Variants in REC8 observed in about 807,000 individuals in gnomAD.
REC8 encodes the protein meiotic recombination protein REC8 homolog.
REC8 carries 42 observed loss-of-function variants against 78.3 expected under a neutral mutation model. The ratio of observed to expected loss-of-function variants is 0.54; its 90% confidence interval spans 0.42 to 0.69. The LOEUF (loss-of-function observed/expected upper bound fraction) is 0.69, where lower values mean the gene tolerates loss of function less well. Among genes scored for constraint, REC8 ranks in the 30% least tolerant of loss-of-function variants. The probability of loss-of-function intolerance (pLI) is 0.00; values close to 1 mark genes in which losing one functional copy is unlikely to be tolerated. For missense variants in REC8, 581 were observed against 715.8 expected (o/e 0.81, Z 2.15); for synonymous variants, 268 against 274.1 (o/e 0.98, Z 0.22).
At chr14:24,180,684 C>T (rs1473525326), downstream of REC8, 1 of 1,614,136 alleles carries the variant, frequency 6.2e-7, no homozygotes, top group Admixed American at 1.7e-5. Flanking sequence ...GACTCCTACC[C>T]TCACCTGGTG....
intron 14 of REC8, 56 bp downstream of exon 14, chr14:24,178,972 C>T: frequency 6.2e-7 from 1 of 1,605,838 alleles, no homozygotes; most frequent in Non-Finnish European, 8.5e-7. Context: ...GCCTGACCAG[C>T]TGGCTGCCCT....
chr14:24,179,050 G>A (rs1399224856), intron 14 of REC8, 35 bp from the exon 15 acceptor site: 2 of 1,607,290 alleles, frequency 1.2e-6, no homozygotes, highest in Non-Finnish European at 1.7e-6. Flanking sequence ...AGTCCCAGAT[G>A]CTTGGGGTCT....
chr14:24,178,853 G>A lies in REC8; in HGVS notation c.1140G>A (p.Glu380=), dbSNP rs1219914391. The change falls in exon 14 of 19, where the codon GAG becomes GAA. Residue 380 remains glutamate, a synonymous_variant. Transcript: ENST00000611366. ...AQPPPKALRR[E]LPEEAAAEEE... is the part of the protein sequence containing the mutation. ...CACCCCCAAAAGCCCTCAGGCGAGA[G>A]CTGCCTGAGGAGGCAGCCGCTGAGG... 1 of 1,613,504 alleles carries A rather than the reference G, an allele frequency of 6.2e-7. No individual in the cohort carries two copies. Among genetic ancestry groups the A allele is most frequent in the Non-Finnish European group, 8.5e-7 (1 of 1,179,956 alleles).
At chr14:24,179,248 G>A (rs1566637443) in intron 15 of REC8, 115 bp downstream of exon 15, 1 of 1,201,232 alleles carries the variant, frequency 8.3e-7, no homozygotes, top group Non-Finnish European at 1.2e-6. Flanking sequence ...TGTGACATAA[G>A]GAAGCACGGA....
chr14:24,174,504 CT>C (rs1450770649), intron 5 of REC8, among the ~76,000 whole-genome samples: 1 of 152,156 alleles, frequency 6.6e-6, no homozygotes, highest in Non-Finnish European at 1.5e-5. Flanking sequence ...TCTTGAACTC[CT>C]GATCTCAGGC....
At position 24,177,361 on chromosome 14, in the gene REC8, C is replaced by A. The variant is rs879204667; in HGVS notation, c.715C>A (p.Leu239Ile). The change falls in exon 9 of 19, where the codon CTC becomes ATC. Residue 239 changes from leucine to isoleucine, a missense_variant. Coordinates refer to ENST00000611366, the MANE Select transcript of REC8 (RefSeq NM_001048205.2). ...TGATTCTCTCTCCACAGTCCCGCGG[C>A]TCCCACCTCCAGCTCCTGCAGAGTA... ...EEAILLEIPR[L>I]PPPAPAEVEG... 1.2e-6 allele frequency: 2 copies of A among 1,614,104 alleles called. No individual in the cohort carries two copies. The highest frequency in any genetic ancestry group is 1.7e-6 in the Non-Finnish European group (2 of 1,180,052).
downstream of REC8, chr14:24,180,853 G>GTGCAACCACCCCCCTGATAA: frequency 1.0e-6 from 1 of 989,452 alleles, no homozygotes; most frequent in Non-Finnish European, 1.5e-6. Flanking sequence ...CTCTTATCAG[G>GTGCAACCACCCCCCTGATAA]GGGGTGGTTG....
chr14:24,180,841 A>G (rs7145633), downstream of REC8: 524,921 of 1,157,002 alleles, frequency 0.45, 126,503 homozygotes, highest in African/African-American at 0.8. Flanking sequence ...GAGTGGCAGA[A>G]TCTCTTATCA....
rs140816828 is a variant in REC8, at chr14:24,179,230, C to CGT, written c.1252+107_1252+108dup. ...GCTGAAGCTGTTTTATGAGTGAAGG[C>CGT]GTGTGTGTGTGACATAAGGAAGCAC... On this transcript the variant is annotated intron_variant, in intron 15 of 18. Transcript: ENST00000611366. 1.4e-5 allele frequency: 18 copies of CGT among 1,243,700 alleles called. No homozygotes were observed. The South Asian group carries it at 1.5e-4, about 10-fold the overall frequency. The allele number at this position is 1,243,700 out of a possible 1,614,324, so 77.0% of individuals were successfully genotyped here. A position where few individuals can be genotyped will look rare whatever the true frequency, so the allele number is the denominator to read the frequency against.
At chr14:24,179,214 GTT>G in intron 15 of REC8, 81 bp downstream of exon 15, 1 of 1,327,676 alleles carries the variant, frequency 7.5e-7, no homozygotes, top group Non-Finnish European at 1.1e-6. Flanking sequence ...TGCTGAAGCT[GTT>G]TTATGAGTGA....
At chr14:24,173,492 G>A in intron 5 of REC8, 81 bp downstream of exon 5, 5 of 1,578,506 alleles carry the variant, frequency 3.2e-6, no homozygotes, top group Non-Finnish European at 4.3e-6. Context: ...CATTGGGGTT[G>A]GGGAAGGAAG....
chr14:24,180,604 C>G (rs763556257), downstream of REC8: 2 of 1,611,712 alleles, frequency 1.2e-6, no homozygotes, highest in African/African-American at 2.7e-5. Flanking sequence ...AAGGTCGGGG[C>G]TCCTAAAGCC....
chr14:24,174,571 C>A (rs561768897), intron 5 of REC8, among the ~76,000 whole-genome samples: 203 of 152,268 alleles, frequency 1.3e-3, no homozygotes, highest in Non-Finnish European at 1.6e-3. Context: ...AACCACCGTG[C>A]CTGGCACATA....
At chr14:24,180,585 G>A, downstream of REC8, 1 of 1,613,264 alleles carries the variant, frequency 6.2e-7, no homozygotes, top group Non-Finnish European at 8.5e-7. Context: ...GGGTGGAGAG[G>A]GAGGGAGAAA....
intron 11 of REC8, 84 bp downstream of exon 11, chr14:24,177,842 C>G: frequency 6.7e-7 from 1 of 1,489,748 alleles, no homozygotes; most frequent in Non-Finnish European, 8.9e-7. Flanking sequence ...AGGGCCACTG[C>G]TAGCTTACAG....
downstream of REC8, chr14:24,180,622 C>T (rs373955108): frequency 9.3e-6 from 15 of 1,612,320 alleles, no homozygotes; most frequent in East Asian, 1.6e-4. Flanking sequence ...GCCTCGCTGC[C>T]CCAGGCTCTC....
At position 24,178,366 on chromosome 14, in the gene REC8, T is replaced by G. The variant is rs561047647; in HGVS notation, c.996+144T>G. 1.3e-5 allele frequency: 11 copies of G among 842,376 alleles called. No individual in the cohort carries two copies. The South Asian group carries it at 1.9e-4, about 14-fold the overall frequency. 52.2% of individuals were successfully genotyped at this position (842,376 alleles called of 1,614,324 possible). A position where few individuals can be genotyped will look rare whatever the true frequency, so the allele number is the denominator to read the frequency against. ...AAAATCTCCTCCATTCTCCAGAAAA[T>G]GCAGGCGATGTGGGTTTGCACATAT... On this transcript the variant is annotated intron_variant, in intron 12 of 18. Coordinates refer to ENST00000611366, the MANE Select transcript of REC8 (RefSeq NM_001048205.2).
chr14:24,177,835 G>A, intron 11 of REC8, 77 bp downstream of exon 11: 1 of 1,492,672 alleles, frequency 6.7e-7, no homozygotes, highest in Non-Finnish European at 8.9e-7. Context: ...CAAGCCCAGG[G>A]CCACTGCTAG....
rs1176291831 is a variant in REC8, at chr14:24,177,719, C to T, written c.825C>T (p.Pro275=). The part of the protein sequence containing the change: ...EPGALLMEVT[P]PEELRLPAPP... ...TGGGTGTTGTTGCAGAGGTGACCCC[C>T]CCGGAGGAGCTGCGTCTGCCAGCCC... The change falls in exon 11 of 19, where the codon CCC becomes CCT. Residue 275 remains proline, a synonymous_variant. Coordinates refer to ENST00000611366, the MANE Select transcript of REC8 (RefSeq NM_001048205.2). 1 of 1,611,302 alleles carries T rather than the reference C, an allele frequency of 6.2e-7. No individual in the cohort carries two copies. The highest frequency in any genetic ancestry group is 8.5e-7 in the Non-Finnish European group (1 of 1,178,674).
Sources: allele counts gnomAD v4.1 joint callset (sites outside exome capture counted in the v4.1 genomes callset), GRCh38; gene constraint gnomAD v4.1.1; transcripts MANE v1.5; gene names NCBI Gene and HGNC (gene_info 2026-07-23, HGNC 2026-07-21).